The following DNAJC10 variants were observed in gnomAD, a reference collection of about 807,000 sequenced individuals.
DNAJC10 encodes DnaJ heat shock protein family (Hsp40) member C10.
Under a neutral mutation model 115.0 loss-of-function variants are expected in DNAJC10, and 101 were observed. That is an observed-to-expected ratio of 0.88 (90% CI 0.75 to 1.04). The LOEUF is 1.04. Ranked by LOEUF, DNAJC10 falls within the 50% of genes least tolerant of loss-of-function variation. The pLI, the probability that DNAJC10 is intolerant of heterozygous loss-of-function variation, is 0.00. For missense variants in DNAJC10, 981 were observed against 928.8 expected, an observed-to-expected ratio of 1.06 and a Z score of -0.73; for synonymous variants, 307 against 301.5, an observed-to-expected ratio of 1.02 and a Z score of -0.19.
intron 1 of DNAJC10, 121 bp downstream of exon 1, chr2:182,716,604 G>C (rs288265): frequency 7.2e-5 from 11 of 152,456 alleles, no homozygotes; most frequent in Admixed American, 6.5e-4. Flanking sequence ...TTAAGACCTG[G>C]ATATTGTGTT....
chr2:182,737,861 A>G (rs1460776420), intron 11 of DNAJC10, among the ~76,000 whole-genome samples: 3 of 152,202 alleles, frequency 2.0e-5, no homozygotes, highest in African/African-American at 7.2e-5. Flanking sequence ...CTTATAACCA[A>G]TTCATCAAGA....
intron 23 of DNAJC10, 135 bp downstream of exon 23, chr2:182,775,555 C>T (rs1345673502): frequency 3.5e-6 from 2 of 577,388 alleles, no homozygotes; most frequent in Admixed American, 3.1e-5. Flanking sequence ...GAAAATTCTA[C>T]TTTGGGAAAT....
chr2:182,741,172 T>G, intron 12 of DNAJC10, 71 bp from the exon 13 acceptor site: 1 of 1,046,468 alleles, frequency 9.6e-7, no homozygotes, highest in African/African-American at 1.6e-5. Context: ...TAACTTCAAG[T>G]CATAGAAATG....
chr2:182,724,225 CTTTTT>C (rs766712420), intron 5 of DNAJC10, among the ~76,000 whole-genome samples: 1 of 151,856 alleles, frequency 6.6e-6, no homozygotes, highest in Admixed American at 6.6e-5. Flanking sequence ...AAAAGATTGA[CTTTTT>C]TTTAACAATT....
rs745386851 is a variant in DNAJC10, at chr2:182,791,602, T to C, written c.*14470T>C. On this transcript the variant is annotated 3_prime_UTR_variant, in exon 24 of 24. Coordinates refer to ENST00000264065, the MANE Select transcript of DNAJC10 (RefSeq NM_018981.4). ...TCAAGATATTCTTCAAACTGGCCTC[T>C]GTGAACTCTTTCTTGACAAGTGAAA... 13 of 152,204 alleles carry C rather than the reference T, an allele frequency of 8.5e-5. No homozygotes were observed. Among genetic ancestry groups the C allele is most frequent in the African/African-American group, 1.9e-4 (8 of 41,462 alleles). The allele number at this position is 152,204 out of a possible 1,614,324, so 9.4% of individuals were successfully genotyped here.
chr2:182,739,975 T>G, intron 11 of DNAJC10: 1 of 999,328 alleles, frequency 1.0e-6, no homozygotes, highest in Non-Finnish European at 1.2e-6. Context: ...TGGTTTTTCT[T>G]GATGATTGGG....
rs1163833703 is a variant in DNAJC10, at chr2:182,790,474, C to G, written c.*13342C>G. The G allele has an allele frequency of 6.6e-6, 1 of 152,070 alleles. No homozygotes were observed. Among genetic ancestry groups the G allele is most frequent in the Non-Finnish European group, 1.5e-5 (1 of 68,018 alleles). The allele number at this position is 152,070 out of a possible 1,614,324, so 9.4% of individuals were successfully genotyped here. The stretch of plus-strand genomic sequence containing the variant: ...TAAAAGCGAATATCTAATGAAGCAC[C>G]TTTTCCCTTTTCTAAAATTCAATAG... On this transcript the variant is annotated 3_prime_UTR_variant, in exon 24 of 24. Transcript: ENST00000264065.
chr2:182,749,729 A>G (rs1693967078), intron 14 of DNAJC10, among the ~76,000 whole-genome samples: 1 of 152,170 alleles, frequency 6.6e-6, no homozygotes, highest in Non-Finnish European at 1.5e-5. Context: ...AGTGGAGAGT[A>G]TTTATTGTCT....
chr2:182,729,112 C>A, intron 7 of DNAJC10, 118 bp downstream of exon 7: 1 of 1,031,452 alleles, frequency 9.7e-7, no homozygotes, highest in South Asian at 1.5e-5. Flanking sequence ...TACAAGGTGC[C>A]ATCTCACTAG....
chr2:182,762,875 T>C, intron 22 of DNAJC10, 74 bp downstream of exon 22: 4 of 1,473,942 alleles, frequency 2.7e-6, no homozygotes, highest in Non-Finnish European at 3.7e-6. Flanking sequence ...CTGAGTAATG[T>C]TTTTTTTCTG....
chr2:182,787,956 G>C lies in DNAJC10; in HGVS notation c.*10824G>C, dbSNP rs1279447403. On this transcript the variant is annotated 3_prime_UTR_variant, in exon 24 of 24. Coordinates refer to ENST00000264065, the MANE Select transcript of DNAJC10 (RefSeq NM_018981.4). The stretch of plus-strand genomic sequence containing the variant: ...AGGTAAAGAATGATTTTAGGAATTA[G>C]GTGTCTCTAAATTGAAGTAATGCTC... 1 of 152,050 alleles carries C rather than the reference G, an allele frequency of 6.6e-6. No individual in the cohort carries two copies. Among genetic ancestry groups the C allele is most frequent in the Admixed American group, 6.6e-5 (1 of 15,254 alleles). 9.4% of individuals were successfully genotyped at this position (152,050 alleles called of 1,614,324 possible). A position where few individuals can be genotyped will look rare whatever the true frequency, so the allele number is the denominator to read the frequency against.
chr2:182,776,947 T>C (rs1052539131), intron 23 of DNAJC10, among the ~76,000 whole-genome samples, 174 bp from the exon 24 acceptor site: 11 of 152,202 alleles, frequency 7.2e-5, no homozygotes, highest in Non-Finnish European at 1.6e-4. Flanking sequence ...AGGATATTCT[T>C]TTCTTTTTTA....
intron 19 of DNAJC10, 119 bp downstream of exon 19, chr2:182,757,944 C>A: frequency 1.7e-6 from 1 of 579,294 alleles, no homozygotes; most frequent in Non-Finnish European, 2.8e-6. Context: ...GAGCCCACTA[C>A]GTAAAGATAG....
At chr2:182,731,155 T>A in intron 9 of DNAJC10, 48 bp downstream of exon 9, 1 of 1,436,136 alleles carries the variant, frequency 7.0e-7, no homozygotes, top group Non-Finnish European at 9.7e-7. Flanking sequence ...GACATTTAAA[T>A]TTTTGGTGAC....
intron 7 of DNAJC10, among the ~76,000 whole-genome samples, chr2:182,729,443 C>T (rs1693384256): frequency 6.6e-6 from 1 of 151,776 alleles, no homozygotes; most frequent in Non-Finnish European, 1.5e-5. Flanking sequence ...GCCACAGTGC[C>T]TGGCAAAAAA....
rs770341499 is a variant in DNAJC10, at chr2:182,736,284, C to T, written c.885C>T (p.Ala295=). Reference sequence around the variant, plus strand: ...TTAATGTAGGATGGATGGACTGTGCCACCCAGGATAACCTTTGTAAAAGCT... The same window carrying T: ...TTAATGTAGGATGGATGGACTGTGCTACCCAGGATAACCTTTGTAAAAGCT... ...GLVNVGWMDC[A]TQDNLCKSLD... The change falls in exon 11 of 24, where the codon GCC becomes GCT. Residue 295 remains alanine (A), a synonymous_variant. Coordinates refer to ENST00000264065, the MANE Select transcript of DNAJC10 (RefSeq NM_018981.4). 4 of 1,589,438 alleles carry T rather than the reference C, an allele frequency of 2.5e-6. No homozygotes were observed. Among genetic ancestry groups the T allele is most frequent in the Non-Finnish European group, 2.6e-6 (3 of 1,171,210 alleles).
intron 22 of DNAJC10, among the ~76,000 whole-genome samples, chr2:182,768,060 T>C (rs1694462588): frequency 6.6e-6 from 1 of 152,090 alleles, no homozygotes; most frequent in Admixed American, 6.6e-5. Flanking sequence ...TTATTGGTGG[T>C]TACATTTTGT....
At chr2:182,759,776 G>T (rs1435393893) in intron 21 of DNAJC10, among the ~76,000 whole-genome samples, 3 of 151,978 alleles carry the variant, frequency 2.0e-5, no homozygotes, top group Non-Finnish European at 2.9e-5. Flanking sequence ...ATACTCAGGG[G>T]ATTGGTTCCA....
At chr2:182,759,115 C>A in intron 20 of DNAJC10, 45 bp from the exon 21 acceptor site, 1 of 1,497,940 alleles carries the variant, frequency 6.7e-7, no homozygotes, top group Non-Finnish European at 9.0e-7. Flanking sequence ...CATATGTTTG[C>A]TTTGGTTTTA....
Sources: gnomAD v4.1 joint callset for allele counts (sites outside exome capture counted in the v4.1 genomes callset) on GRCh38, gnomAD v4.1.1 for gene constraint, MANE v1.5 for transcripts, NCBI Gene and HGNC (gene_info 2026-07-23, HGNC 2026-07-21) for gene names.